UIMC1: variants seen among roughly 807,000 people sequenced by gnomAD.
The protein encoded by UIMC1 is ubiquitin interaction motif containing 1, also known as BRCA1-A complex subunit RAP80.
A neutral mutation model predicts 84.9 loss-of-function variants in UIMC1; 42 were observed. The ratio of observed to expected loss-of-function variants is 0.49; its 90% confidence interval spans 0.39 to 0.64. The LOEUF (loss-of-function observed/expected upper bound fraction) is 0.64. Ranked by LOEUF, UIMC1 falls within the 30% of genes least tolerant of loss-of-function variation. UIMC1 has a pLI of 0.00. For synonymous variants in UIMC1, 281 were observed against 293.0 expected (o/e 0.96, Z 0.42); for missense variants, 825 against 847.6 (o/e 0.97, Z 0.33).
In UIMC1 at chr5:176,911,383, G is replaced by A; in HGVS notation, c.1604C>T (p.Thr535Ile). The A allele has an allele frequency of 6.3e-7, 1 of 1,583,424 alleles. No individual in the cohort carries two copies. The highest frequency in any genetic ancestry group is 1.4e-5 in the African/African-American group (1 of 73,922). Reference protein sequence around the residue: ...NGLMEEDTVLTRRQKEAKTKS... With the variant: ...NGLMEEDTVLIRRQKEAKTKS... ...GGTCTTGGCCTCTTTTTGTCTCCGA[G>A]TCAATACTTTTAATATAAAAAATAT... Residue 535 changes from threonine (T) to isoleucine (I), a missense_variant, in exon 11 of 15, where the codon ACT becomes ATT. Transcript: ENST00000511320.
chr5:176,993,539 T>G (rs1045232400), intron 1 of UIMC1, among the ~76,000 whole-genome samples: 4 of 152,124 alleles, frequency 2.6e-5, no homozygotes, highest in African/African-American at 7.2e-5. Context: ...ATGGCACGAA[T>G]ATACCTATAT....
chr5:176,961,979 C>T (rs1329112710), intron 6 of UIMC1, among the ~76,000 whole-genome samples: 17 of 72,338 alleles, frequency 2.4e-4, no homozygotes, highest in Non-Finnish European at 4.5e-4. Flanking sequence ...CCGCCCCGTC[C>T]GGGAGGGAGG....
intron 9 of UIMC1, among the ~76,000 whole-genome samples, chr5:176,945,847 G>C (rs1391945058): frequency 6.6e-6 from 1 of 152,162 alleles, no homozygotes; most frequent in Non-Finnish European, 1.5e-5. Flanking sequence ...TGTTACTGCT[G>C]ATTAATATCT....
intron 10 of UIMC1, among the ~76,000 whole-genome samples, chr5:176,942,522 C>A (rs1291295450): frequency 6.6e-6 from 1 of 151,490 alleles, no homozygotes; most frequent in Non-Finnish European, 1.5e-5. Context: ...GCAGGTGGAT[C>A]ACGAGGTCAG....
At chr5:176,951,427 C>T (rs1207183401) in intron 9 of UIMC1, 47 bp downstream of exon 9, 2 of 1,401,084 alleles carry the variant, frequency 1.4e-6, no homozygotes, top group Non-Finnish European at 9.5e-7. Context: ...GAGAGGACTG[C>T]CAACGGAAAG....
chr5:176,936,996 T>C (rs1763787407), intron 10 of UIMC1, among the ~76,000 whole-genome samples: 1 of 152,234 alleles, frequency 6.6e-6, no homozygotes, highest in African/African-American at 2.4e-5. Context: ...ATTCTGTTAA[T>C]TGTATATTCT....
intron 1 of UIMC1, among the ~76,000 whole-genome samples, chr5:177,017,773 C>T (rs1775703551): frequency 6.6e-6 from 1 of 151,598 alleles, no homozygotes; most frequent in South Asian, 2.1e-4. Context: ...TCACCTCAGC[C>T]TCCTGAGTAG....
At position 176,982,488 on chromosome 5, in the gene UIMC1, A is replaced by G; in HGVS notation, c.128T>C (p.Ile43Thr). 6.2e-7 allele frequency: 1 copy of G among 1,613,850 alleles called. No homozygotes were observed. The highest frequency in any genetic ancestry group is 1.1e-5 in the South Asian group (1 of 91,044). Reference protein sequence around the residue: ...KRRLEDAFIVISDSDGEEPKE... With the variant: ...KRRLEDAFIVTSDSDGEEPKE... ...ACTAACCTCTCCATCACTATCGGAT[A>G]TCACAATGAATGCATCCTCAAGTCT... is the stretch of plus-strand genomic sequence containing the variant. Residue 43 changes from isoleucine to threonine, a missense_variant, in exon 2 of 15, where the codon ATA (isoleucine) becomes ACA (threonine). Coordinates refer to ENST00000511320, the MANE Select transcript of UIMC1 (RefSeq NM_001199298.2).
intron 1 of UIMC1, among the ~76,000 whole-genome samples, chr5:176,987,987 G>A (rs2149516589): frequency 6.6e-6 from 1 of 151,844 alleles, no homozygotes; most frequent in East Asian, 1.9e-4. Flanking sequence ...GTAGCCAGAT[G>A]TGGTGGCGCA....
chr5:177,009,114 C>T (rs918163610), upstream of UIMC1, among the ~76,000 whole-genome samples: 4 of 151,980 alleles, frequency 2.6e-5, no homozygotes, highest in African/African-American at 9.7e-5. The surrounding 1 kb of genome is among the most constrained non-coding windows in gnomAD (Gnocchi z 4.3). Flanking sequence ...TCAAGCTATC[C>T]TCCCACCTTA....
At chr5:176,946,818 G>C (rs192526865) in intron 9 of UIMC1, among the ~76,000 whole-genome samples, 2 of 152,236 alleles carry the variant, frequency 1.3e-5, no homozygotes, top group East Asian at 3.9e-4. Context: ...CTAGGCAACA[G>C]AGGGAGACCC....
rs1368294257 is a variant in UIMC1 at position 176,969,016 on chromosome 5, C to T, written c.739G>A (p.Val247Ile). Residue 247 changes from valine to isoleucine, a missense_variant, in exon 6 of 15, where the codon GTC becomes ATC. Coordinates refer to ENST00000511320, the MANE Select transcript of UIMC1 (RefSeq NM_001199298.2). ...TGRGSAFLKA[V>I]QGSGDTSRHC... is the part of the protein sequence containing the mutation. Reference sequence around the variant, plus strand: ...CTAGATGTGTCCCCGCTACCCTGGACAGCTTTGAGAAAAGCAGAACCCCTC... The same window carrying T: ...CTAGATGTGTCCCCGCTACCCTGGATAGCTTTGAGAAAAGCAGAACCCCTC... 1 of 1,614,224 alleles carries T rather than the reference C, an allele frequency of 6.2e-7. No individual in the cohort carries two copies. The highest frequency in any genetic ancestry group is 1.7e-5 in the Admixed American group (1 of 60,016).
At chr5:176,928,423 C>T (rs944388737) in intron 10 of UIMC1, among the ~76,000 whole-genome samples, 10 of 152,114 alleles carry the variant, frequency 6.6e-5, no homozygotes, top group African/African-American at 2.2e-4. Context: ...AGGACTATGA[C>T]ACAATAACTG....
intron 6 of UIMC1, among the ~76,000 whole-genome samples, chr5:176,960,646 TCTCCG>T: frequency 3.5e-5 from 1 of 28,428 alleles, no homozygotes; most frequent in Admixed American, 2.1e-4. Context: ...TCCGTCTCCG[TCTCCG>T]TCTCCGTCTC....
chr5:177,000,223 G>T (rs1016266746), intron 1 of UIMC1, among the ~76,000 whole-genome samples: 6 of 152,126 alleles, frequency 3.9e-5, no homozygotes, highest in African/African-American at 1.4e-4. Flanking sequence ...CAAAGTGCTG[G>T]GATTACCGGC....
chr5:177,015,034 A>T (rs1248557054), intron 1 of UIMC1, among the ~76,000 whole-genome samples: 2 of 152,160 alleles, frequency 1.3e-5, no homozygotes, highest in East Asian at 3.8e-4. Context: ...GGAGTTTGAG[A>T]CCGGCCTGAC....
exon 1 of UIMC1, chr5:177,022,519 G>C (rs895798475): frequency 7.8e-6 from 4 of 511,560 alleles, no homozygotes; most frequent in Middle Eastern, 5.3e-4. Flanking sequence ...CGGGAGGGGG[G>C]GGTCACTGCT....
chr5:177,002,972 A>C (rs1581718603), intron 1 of UIMC1, among the ~76,000 whole-genome samples: 2 of 152,234 alleles, frequency 1.3e-5, no homozygotes, highest in South Asian at 4.1e-4. Flanking sequence ...TCCATGACTT[A>C]TATCTCCTCT....
At position 176,905,187 on chromosome 5, in the gene UIMC1, A is replaced by G. The variant is rs958312900; in HGVS notation, c.*95T>C. On this transcript the variant is annotated 3_prime_UTR_variant, in exon 15 of 15. Coordinates refer to ENST00000511320, the MANE Select transcript of UIMC1 (RefSeq NM_001199298.2). ...CTGGTGGTGAAAACTGCAGGGCTAAAACTTGCTCAACAATGAACTAGGGAC... is the reference window on the plus strand; with the variant it reads ...CTGGTGGTGAAAACTGCAGGGCTAAGACTTGCTCAACAATGAACTAGGGAC... 7.2e-7 allele frequency: 1 copy of G among 1,385,938 alleles called. No homozygotes were observed. The highest frequency in any genetic ancestry group is 2.3e-5 in the Admixed American group (1 of 43,834). 85.9% of individuals were successfully genotyped at this position (1,385,938 alleles called of 1,614,324 possible). A position where few individuals can be genotyped will look rare whatever the true frequency, so the allele number is the denominator to read the frequency against.
Sources: gnomAD v4.1 joint callset for allele counts (sites outside exome capture counted in the v4.1 genomes callset) on GRCh38, gnomAD v4.1.1 for gene constraint, Gnocchi (gnomAD v3.1) non-coding constraint, MANE v1.5 for transcripts, NCBI Gene and HGNC (gene_info 2026-07-23, HGNC 2026-07-21) for gene names.